Variants in GRIK3 observed in about 807,000 individuals in gnomAD.
GRIK3 encodes glutamate receptor ionotropic, kainate 3.
A neutral mutation model predicts 102.5 loss-of-function variants in GRIK3; 29 were observed. That is an observed-to-expected ratio of 0.28 (90% confidence interval 0.21 to 0.39). The LOEUF is 0.39. Among genes scored for constraint, GRIK3 ranks in the 10% least tolerant of loss-of-function variants. The probability of loss-of-function intolerance (pLI) is 1.00; values close to 1 mark genes in which losing one functional copy is unlikely to be tolerated. For synonymous variants in GRIK3, 511 were observed against 504.9 expected, an observed-to-expected ratio of 1.01 and a Z score of -0.16; for missense variants, 908 against 1,252.4, an observed-to-expected ratio of 0.73 and a Z score of 4.15.
At chr1:36,804,921 A>G in intron 15 of GRIK3, 66 bp downstream of exon 15, 1 of 1,576,334 alleles carries the variant, frequency 6.3e-7, no homozygotes, top group South Asian at 1.2e-5. Flanking sequence ...CCTGGCACAT[A>G]CAGGAGTGAA....
chr1:36,877,835 A>G (rs1484880765), intron 3 of GRIK3, among the ~76,000 whole-genome samples: 1 of 152,136 alleles, frequency 6.6e-6, no homozygotes, highest in Non-Finnish European at 1.5e-5. Context: ...AAGGCCATAG[A>G]GCTTCCATTC....
At chr1:36,972,392 G>C (rs977339054) in intron 1 of GRIK3, among the ~76,000 whole-genome samples, 3 of 152,172 alleles carry the variant, frequency 2.0e-5, no homozygotes, top group Non-Finnish European at 4.4e-5. Flanking sequence ...ACAGGCTCAC[G>C]GCACCCCAGC....
chr1:36,915,959 T>C (rs1399110173), intron 1 of GRIK3, among the ~76,000 whole-genome samples: 1 of 151,616 alleles, frequency 6.6e-6, no homozygotes, highest in Admixed American at 6.6e-5. Context: ...CGGGCAGAGG[T>C]TGGAAAAATT....
Position 36,806,217 on chromosome 1 carries a change from T to A in GRIK3, c.2201A>T (p.Tyr734Phe), listed in dbSNP as rs1475753493. Reference sequence around the variant, plus strand: ...GGTGGTGGACTCCATGAGCAGCGCGTAGTCGGCCGTCAGGGCCCTCTGGAT... The same window carrying A: ...GGTGGTGGACTCCATGAGCAGCGCGAAGTCGGCCGTCAGGGCCCTCTGGAT... Reference protein sequence around the residue: ...EGIQRALTADYALLMESTTIE... With the variant: ...EGIQRALTADFALLMESTTIE... The change falls in exon 14 of 16, where the codon TAC becomes TTC. Residue 734 changes from tyrosine (Y) to phenylalanine (F), a missense_variant. This residue lies in a region of GRIK3 where 297 missense variants were observed against 362.7 expected (regional missense o/e 0.82). Transcript: ENST00000373091. The surrounding 1 kb of genome is among the most constrained non-coding windows in gnomAD (Gnocchi z 4.0). The A allele has an allele frequency of 6.2e-7, 1 of 1,614,130 alleles. No individual in the cohort carries two copies. The highest frequency in any genetic ancestry group is 1.1e-5 in the South Asian group (1 of 91,090).
rs533683198 is a variant in GRIK3, at chr1:36,982,892, G to A, written c.115+51102C>T. Among the ~76,000 whole-genome samples, 17 of 152,274 alleles carry A rather than the reference G, an allele frequency of 1.1e-4. No individual in the cohort carries two copies. In the South Asian group the frequency reaches 2.9e-3, roughly 26 times the overall value. ...TGGCCAACAAGTAGGGCAAGGAGCC[G>A]ACTGCAGCTCTCAGAGGGCCGCTGA... On this transcript the variant is annotated intron_variant, in intron 1 of 15. Transcript: ENST00000373091.
At chr1:36,851,039 C>G (rs2124228081) in intron 8 of GRIK3, among the ~76,000 whole-genome samples, 1 of 152,300 alleles carries the variant, frequency 6.6e-6, no homozygotes, top group East Asian at 1.9e-4. Flanking sequence ...CATCCTAAAG[C>G]CCTGGGCCTC....
chr1:36,989,523 T>TC (rs1250606184), intron 1 of GRIK3, among the ~76,000 whole-genome samples: 1 of 152,206 alleles, frequency 6.6e-6, no homozygotes, highest in Non-Finnish European at 1.5e-5. Context: ...CAAGCGCTCC[T>TC]CCCGGGGGCC....
intron 10 of GRIK3, among the ~76,000 whole-genome samples, chr1:36,836,141 T>G (rs904727008): frequency 2.0e-5 from 3 of 152,230 alleles, no homozygotes; most frequent in Non-Finnish European, 2.9e-5. Context: ...AGGAGGTAGC[T>G]TGGGCAGAGC....
intron 14 of GRIK3, 137 bp downstream of exon 14, chr1:36,805,967 G>C: frequency 7.2e-6 from 2 of 278,268 alleles, no homozygotes; most frequent in Non-Finnish European, 6.5e-6. Context: ...AAAAAGAAAA[G>C]AACAGAAAAA....
chr1:36,891,064 C>T lies in GRIK3; in HGVS notation c.148G>A (p.Ala50Thr), dbSNP rs759754955. 3.7e-6 allele frequency: 6 copies of T among 1,613,328 alleles called. No individual in the cohort carries two copies. Among genetic ancestry groups the T allele is most frequent in the African/African-American group, 2.7e-5 (2 of 74,908 alleles). ...TGCTCCTCGGCATTCATGACCTGGG[C>T]GTTGGGGCCGTCCGCATACTCGAAG... ...GIFEYADGPN[A>T]QVMNAEEHAF... The change falls in exon 2 of 16, where the codon GCC becomes ACC. Residue 50 changes from alanine (A) to threonine (T), a missense_variant. This residue lies in a region of GRIK3 where 585 missense variants were observed against 824.9 expected (regional missense o/e 0.71). Transcript: ENST00000373091.
At chr1:36,999,008 ATG>A (rs71816937) in intron 1 of GRIK3, among the ~76,000 whole-genome samples, 172 of 55,250 alleles carry the variant, frequency 3.1e-3, no homozygotes, top group Admixed American at 0.011. Context: ...GTGTGTGTGT[ATG>A]TGTGTGTGTG....
At chr1:36,889,202 G>A (rs1343540906) in intron 2 of GRIK3, among the ~76,000 whole-genome samples, 1 of 151,918 alleles carries the variant, frequency 6.6e-6, no homozygotes, top group Non-Finnish European at 1.5e-5. Flanking sequence ...CTTGTCTAGG[G>A]GTTAGGGGAG....
chr1:37,000,018 T>C (rs1210669351), intron 1 of GRIK3, among the ~76,000 whole-genome samples: 1 of 152,144 alleles, frequency 6.6e-6, no homozygotes, highest in Non-Finnish European at 1.5e-5. Flanking sequence ...GAGAACTTAA[T>C]ATTACTGAGC....
At chr1:36,830,154 T>C (rs1640238760) in intron 10 of GRIK3, among the ~76,000 whole-genome samples, 1 of 152,240 alleles carries the variant, frequency 6.6e-6, no homozygotes, top group Non-Finnish European at 1.5e-5. Context: ...ATGCTGCCTA[T>C]GCCTATGCCA....
At chr1:36,956,050 T>C (rs982745982) in intron 1 of GRIK3, among the ~76,000 whole-genome samples, 17 of 152,196 alleles carry the variant, frequency 1.1e-4, no homozygotes, top group Non-Finnish European at 2.4e-4. Flanking sequence ...GCGGGGCCTG[T>C]GGGGGCTTCA....
chr1:37,034,158 G>C lies in GRIK3; in HGVS notation c.-50C>G. The C allele has an allele frequency of 1.1e-6, 1 of 944,502 alleles. No homozygotes were observed. Among genetic ancestry groups the C allele is most frequent in the Non-Finnish European group, 1.5e-6 (1 of 660,964 alleles). 58.5% of individuals were successfully genotyped at this position (944,502 alleles called of 1,614,324 possible). On this transcript the variant is annotated 5_prime_UTR_variant, in exon 1 of 16. Coordinates refer to ENST00000373091, the MANE Select transcript of GRIK3 (RefSeq NM_000831.4). Reference sequence around the variant, plus strand: ...GGGGCGCGGCCGTGGCGGGCTCCCTGGGGCGGCAGCTCTAGGCGCGGGCGC... The same window carrying C: ...GGGGCGCGGCCGTGGCGGGCTCCCTCGGGCGGCAGCTCTAGGCGCGGGCGC...
intron 7 of GRIK3, among the ~76,000 whole-genome samples, chr1:36,855,123 A>C (rs1290777904): frequency 6.6e-6 from 1 of 152,120 alleles, no homozygotes; most frequent in East Asian, 1.9e-4. Flanking sequence ...AAAATCTGGG[A>C]GCTCACACAG....
chr1:36,821,369 C>T (rs1642693816), intron 11 of GRIK3, among the ~76,000 whole-genome samples: 1 of 152,116 alleles, frequency 6.6e-6, no homozygotes, highest in Admixed American at 6.5e-5. Context: ...TTGGAGAGAG[C>T]CTTTGGAGAG....
At chr1:36,802,226 C>A (rs566398427) in intron 15 of GRIK3, among the ~76,000 whole-genome samples, 181 bp from the exon 16 acceptor site, 1 of 152,342 alleles carries the variant, frequency 6.6e-6, no homozygotes, top group South Asian at 2.1e-4. Context: ...CAGCAGTCTA[C>A]AAAACCTGAC....
Sources: allele counts gnomAD v4.1 joint callset (sites outside exome capture counted in the v4.1 genomes callset), GRCh38; gene constraint gnomAD v4.1.1; regional missense constraint gnomAD v4.1.1; non-coding constraint Gnocchi (gnomAD v3.1); transcripts MANE v1.5; gene names NCBI Gene and HGNC (gene_info 2026-07-23, HGNC 2026-07-21).